MSRB3: variants seen among roughly 807,000 people sequenced by gnomAD.
The protein encoded by MSRB3 is methionine sulfoxide reductase B3.
In MSRB3, 13 loss-of-function variants were observed where a neutral mutation model predicts 21.0. The ratio of observed to expected loss-of-function variants is 0.62; its 90% CI spans 0.40 to 0.98. MSRB3 has a LOEUF of 0.98. MSRB3 is among the 50% of genes least tolerant of loss of function. The probability of loss-of-function intolerance (pLI) is 0.00; values close to 1 mark genes in which losing one functional copy is unlikely to be tolerated. For synonymous variants in MSRB3, 87 were observed against 88.6 expected (o/e 0.98, Z 0.10); for missense variants, 199 against 230.3 (o/e 0.86, Z 0.88).
At chr12:65,403,559 C>T (rs933764210) in intron 5 of MSRB3, among the ~76,000 whole-genome samples, 6 of 152,186 alleles carry the variant, frequency 3.9e-5, no homozygotes, top group African/African-American at 1.4e-4. Context: ...GGGTGAGATC[C>T]ACTGAGCTAG....
At chr12:65,422,424 A>T (rs55912236) in intron 5 of MSRB3, among the ~76,000 whole-genome samples, 77 of 75,630 alleles carry the variant, frequency 1.0e-3, no homozygotes, top group Middle Eastern at 5.7e-3. Flanking sequence ...ATATATATAT[A>T]TATATATTTA....
intron 5 of MSRB3, among the ~76,000 whole-genome samples, chr12:65,380,347 A>G (rs1878871348): frequency 6.6e-6 from 1 of 152,216 alleles, no homozygotes; most frequent in Non-Finnish European, 1.5e-5. Flanking sequence ...TGGCCAAGGC[A>G]GTTGGATCAC....
intron 5 of MSRB3, among the ~76,000 whole-genome samples, chr12:65,406,706 A>G (rs1880432542): frequency 6.6e-6 from 1 of 152,214 alleles, no homozygotes; most frequent in Non-Finnish European, 1.5e-5. Flanking sequence ...AATCTATGCT[A>G]TGGTTTGAAT....
intron 1 of MSRB3, among the ~76,000 whole-genome samples, chr12:65,292,493 CT>C (rs1592494313): frequency 1.3e-5 from 2 of 152,214 alleles, no homozygotes; most frequent in South Asian, 2.1e-4. Context: ...TTGACCTCTC[CT>C]TTTTTTGGCC....
chr12:65,436,472 T>C (rs1314033885), intron 5 of MSRB3, among the ~76,000 whole-genome samples: 2 of 151,872 alleles, frequency 1.3e-5, no homozygotes, highest in Admixed American at 6.6e-5. Flanking sequence ...TAATCCCATA[T>C]ATTTGTTCTC....
chr12:65,297,264 G>T (rs1410011082), intron 1 of MSRB3, among the ~76,000 whole-genome samples: 1 of 152,126 alleles, frequency 6.6e-6, no homozygotes, highest in African/African-American at 2.4e-5. Flanking sequence ...AATAGCTAAT[G>T]CATGCTGGGC....
At chr12:65,393,680 G>T (rs568707648) in intron 5 of MSRB3, among the ~76,000 whole-genome samples, 2 of 148,926 alleles carry the variant, frequency 1.3e-5, no homozygotes, top group South Asian at 2.1e-4. Flanking sequence ...TTTATGGTTT[G>T]TGTTTGTTGT....
At chr12:65,286,100 T>C (rs970756409) in intron 1 of MSRB3, 1 of 152,210 alleles carries the variant, frequency 6.6e-6, no homozygotes, top group African/African-American at 2.4e-5. Flanking sequence ...AATAAGTTCT[T>C]GTAAATGTAA....
At chr12:65,327,134 A>G (rs1021289770) in intron 3 of MSRB3, among the ~76,000 whole-genome samples, 200 bp downstream of exon 3, 5 of 152,240 alleles carry the variant, frequency 3.3e-5, no homozygotes, top group African/African-American at 7.2e-5. Context: ...CATTTAATGA[A>G]TACTGCATAT....
intron 4 of MSRB3, among the ~76,000 whole-genome samples, chr12:65,337,996 T>C (rs1379052120): frequency 6.6e-6 from 1 of 152,190 alleles, no homozygotes; most frequent in Non-Finnish European, 1.5e-5. Context: ...CTCTACTCCA[T>C]TACACGGGCA....
chr12:65,298,380 G>A (rs889547943), intron 1 of MSRB3, among the ~76,000 whole-genome samples: 3 of 152,152 alleles, frequency 2.0e-5, no homozygotes, highest in African/African-American at 7.2e-5. Context: ...AATTGAGTTT[G>A]GGATATAATA....
intron 2 of MSRB3, among the ~76,000 whole-genome samples, chr12:65,315,730 G>A (rs538634343): frequency 6.7e-6 from 1 of 150,330 alleles, no homozygotes; most frequent in Non-Finnish European, 1.5e-5. Context: ...TATTTAGATG[G>A]TTAATAAGAG....
intron 4 of MSRB3, among the ~76,000 whole-genome samples, chr12:65,358,931 A>G (rs1325890312): frequency 1.3e-5 from 2 of 151,738 alleles, no homozygotes; most frequent in African/African-American, 4.8e-5. Context: ...TCCTTCCTGG[A>G]TGCATTGGCC....
At position 65,332,557 on chromosome 12, in the gene MSRB3, G is replaced by C. The variant is rs1350611295; in HGVS notation, c.263+3954G>C. Among the ~76,000 whole-genome samples the C allele has an allele frequency of 2.0e-5, 3 of 152,184 alleles. No homozygotes were observed. In the East Asian group the frequency reaches 5.8e-4, roughly 29 times the overall value. ...TGTAAATGACAAGTTAATGGGTGCAGCACACCAACATGGCACATGTATACA... is the reference window on the plus strand; with the variant it reads ...TGTAAATGACAAGTTAATGGGTGCACCACACCAACATGGCACATGTATACA... On this transcript the variant is annotated intron_variant, in intron 4 of 6. Transcript: ENST00000308259.
At chr12:65,417,605 A>T (rs1279313134) in intron 5 of MSRB3, among the ~76,000 whole-genome samples, 1 of 152,118 alleles carries the variant, frequency 6.6e-6, no homozygotes, top group Non-Finnish European at 1.5e-5. Context: ...TATTTCTCCT[A>T]ACTGAAATTT....
At chr12:65,294,014 T>C (rs1330048630) in intron 1 of MSRB3, among the ~76,000 whole-genome samples, 1 of 152,176 alleles carries the variant, frequency 6.6e-6, no homozygotes, top group South Asian at 2.1e-4. Context: ...AGTAAGGAGA[T>C]AGTGTTCTGG....
rs1285023365 is a variant in MSRB3, at chr12:65,319,890, G to GC, written c.77-6936_77-6935insC. The stretch of plus-strand genomic sequence containing the variant: ...GATAGCGGTGAACTTATCAGGATGT[G>GC]TAGCCTTGGAAGGAAAACTTGCTTG... On this transcript the variant is annotated intron_variant, in intron 2 of 6. Transcript: ENST00000308259. Among the ~76,000 whole-genome samples, 4 of 152,286 alleles carry GC rather than the reference G, an allele frequency of 2.6e-5. 1 individual carries two copies. The highest frequency in any genetic ancestry group is 2.1e-4 in the South Asian group (1 of 4,824).
At chr12:65,384,972 T>C (rs974411588) in intron 5 of MSRB3, among the ~76,000 whole-genome samples, 3 of 152,206 alleles carry the variant, frequency 2.0e-5, no homozygotes, top group African/African-American at 7.2e-5. Flanking sequence ...CCATTGATTC[T>C]AGTGGCTCTG....
intron 5 of MSRB3, among the ~76,000 whole-genome samples, chr12:65,446,947 A>G (rs996679800): frequency 1.3e-5 from 2 of 152,232 alleles, no homozygotes; most frequent in African/African-American, 2.4e-5. Flanking sequence ...TTATCTTCAT[A>G]TTTAGAATGA....
Sources: gnomAD v4.1 joint callset for allele counts (sites outside exome capture counted in the v4.1 genomes callset) on GRCh38, gnomAD v4.1.1 for gene constraint, MANE v1.5 for transcripts, NCBI Gene and HGNC (gene_info 2026-07-23, HGNC 2026-07-21) for gene names.